The following NRG3 variants were observed in gnomAD, a reference collection of about 807,000 sequenced individuals.
NRG3 encodes pro-neuregulin-3, membrane-bound isoform.
A neutral mutation model predicts 66.9 loss-of-function variants in NRG3; 31 were observed. The ratio of observed to expected loss-of-function variants is 0.46; its 90% CI spans 0.35 to 0.63. The LOEUF (loss-of-function observed/expected upper bound fraction) is 0.63, where lower values mean the gene tolerates loss of function less well. Ranked by LOEUF, NRG3 falls within the 20% of genes least tolerant of loss-of-function variation. NRG3 has a pLI of 0.00. For missense variants in NRG3, 910 were observed against 878.9 expected, an observed-to-expected ratio of 1.04 and a Z score of -0.45; for synonymous variants, 393 against 359.4, an observed-to-expected ratio of 1.09 and a Z score of -1.06.
intron 1 of NRG3, among the ~76,000 whole-genome samples, chr10:82,210,939 G>T (rs1564667446): frequency 6.7e-6 from 1 of 148,916 alleles, no homozygotes; most frequent in South Asian, 2.1e-4. Flanking sequence ...AAAAAAAAAG[G>T]CTGCATATCT....
chr10:82,260,466 C>G (rs2077965772), intron 1 of NRG3, among the ~76,000 whole-genome samples: 1 of 152,112 alleles, frequency 6.6e-6, no homozygotes, highest in South Asian at 2.1e-4. Context: ...TCAATTATAT[C>G]TGGAATTAGA....
intron 1 of NRG3, among the ~76,000 whole-genome samples, chr10:81,913,745 G>T (rs1210798067): frequency 6.6e-6 from 1 of 152,106 alleles, no homozygotes; most frequent in Admixed American, 6.6e-5. Flanking sequence ...AGTAGAGATG[G>T]TTGGTGAATC....
chr10:82,969,441 A>G (rs1851529204), intron 6 of NRG3, among the ~76,000 whole-genome samples: 3 of 152,166 alleles, frequency 2.0e-5, no homozygotes, highest in Non-Finnish European at 4.4e-5. Context: ...TATTTCCATT[A>G]TGTATTGGAT....
chr10:82,035,906 C>A (rs911671369), intron 1 of NRG3, among the ~76,000 whole-genome samples: 2 of 152,068 alleles, frequency 1.3e-5, no homozygotes, highest in African/African-American at 4.8e-5. Context: ...GATTGGGCAA[C>A]CTGAATTTTT....
intron 1 of NRG3, among the ~76,000 whole-genome samples, chr10:82,009,135 C>T (rs2061482193): frequency 6.6e-6 from 1 of 152,056 alleles, no homozygotes; most frequent in African/African-American, 2.4e-5. Flanking sequence ...TGCTTTTATC[C>T]ATCAATGATT....
intron 1 of NRG3, among the ~76,000 whole-genome samples, chr10:82,196,206 A>T (rs1243587209): frequency 6.6e-6 from 1 of 152,218 alleles, no homozygotes; most frequent in East Asian, 1.9e-4. Flanking sequence ...GCTGTGCCTC[A>T]GAACAGTGCC....
chr10:82,410,960 G>C (rs1177585934), intron 2 of NRG3, among the ~76,000 whole-genome samples: 1 of 152,050 alleles, frequency 6.6e-6, no homozygotes, highest in African/African-American at 2.4e-5. Context: ...CTTATCACCA[G>C]ATACAAAGGT....
intron 2 of NRG3, among the ~76,000 whole-genome samples, chr10:82,475,265 G>T (rs1250216377): frequency 1.3e-5 from 2 of 151,898 alleles, no homozygotes; most frequent in East Asian, 3.9e-4. Flanking sequence ...AAATGAAAGA[G>T]GGAAAAATAC....
chr10:82,565,191 A>C (rs2045320513), intron 2 of NRG3, among the ~76,000 whole-genome samples: 1 of 152,108 alleles, frequency 6.6e-6, no homozygotes, highest in Non-Finnish European at 1.5e-5. Flanking sequence ...GTGTTGGGGA[A>C]AATGCCAGGT....
intron 1 of NRG3, among the ~76,000 whole-genome samples, chr10:81,953,768 A>C (rs1041550781): frequency 1.3e-5 from 2 of 152,200 alleles, no homozygotes; most frequent in Non-Finnish European, 2.9e-5. Context: ...CTCCAGTCTC[A>C]AATTTTCAGT....
chr10:82,841,278 A>C (rs2063045028), intron 3 of NRG3, among the ~76,000 whole-genome samples: 1 of 152,218 alleles, frequency 6.6e-6, no homozygotes, highest in Admixed American at 6.5e-5. Flanking sequence ...TTGTCAAAGA[A>C]TGAAATTCTG....
At chr10:82,610,279 C>T (rs530084650) in intron 2 of NRG3, among the ~76,000 whole-genome samples, 24 of 112,996 alleles carry the variant, frequency 2.1e-4, no homozygotes, top group African/African-American at 8.3e-4. Flanking sequence ...ACTTTAGGAT[C>T]AATTAATTAT....
At chr10:82,764,193 C>A (rs2135101330) in intron 3 of NRG3, among the ~76,000 whole-genome samples, 1 of 152,170 alleles carries the variant, frequency 6.6e-6, no homozygotes, top group African/African-American at 2.4e-5. Flanking sequence ...CGCCACCACA[C>A]CCAACTACTT....
At chr10:82,303,647 A>T (rs1476101509) in intron 1 of NRG3, among the ~76,000 whole-genome samples, 3 of 152,132 alleles carry the variant, frequency 2.0e-5, no homozygotes, top group Non-Finnish European at 4.4e-5. Context: ...AGGTGGGTGG[A>T]TCATGAGGTC....
intron 1 of NRG3, among the ~76,000 whole-genome samples, chr10:81,907,783 TCA>T (rs1384604687): frequency 6.6e-6 from 1 of 152,160 alleles, no homozygotes; most frequent in African/African-American, 2.4e-5. Context: ...GTAAGGCTTC[TCA>T]GTTTGTACAC....
At chr10:82,768,588 C>T (rs978607329) in intron 3 of NRG3, among the ~76,000 whole-genome samples, 1 of 152,092 alleles carries the variant, frequency 6.6e-6, no homozygotes, top group South Asian at 2.1e-4. Flanking sequence ...ATTTTCATCT[C>T]TTCAAGAAAA....
intron 2 of NRG3, among the ~76,000 whole-genome samples, chr10:82,650,746 T>G (rs1302633078): frequency 6.6e-6 from 1 of 152,216 alleles, no homozygotes; most frequent in Non-Finnish European, 1.5e-5. Flanking sequence ...TTCCACATCA[T>G]CACGTAATTG....
chr10:82,572,996 G>A (rs1232777386), intron 2 of NRG3, among the ~76,000 whole-genome samples: 1 of 151,800 alleles, frequency 6.6e-6, no homozygotes, highest in Non-Finnish European at 1.5e-5. Context: ...CATCAGACAA[G>A]CAGCTGCCAT....
chr10:81,938,618 A>AGT (rs373196547), intron 1 of NRG3, among the ~76,000 whole-genome samples: 1,708 of 144,226 alleles, frequency 0.012, 18 homozygotes, highest in Middle Eastern at 0.026. Context: ...GAGTTCTGAC[A>AGT]GTGTGTGTGT....
Sources: allele counts gnomAD v4.1 joint callset (sites outside exome capture counted in the v4.1 genomes callset), GRCh38; gene constraint gnomAD v4.1.1; transcripts MANE v1.5; gene names NCBI Gene and HGNC (gene_info 2026-07-23, HGNC 2026-07-21).